Variants in LDB2 observed in about 807,000 individuals in gnomAD.
LDB2 encodes the protein LIM domain binding 2, also known as LIM domain-binding protein 2.
A neutral mutation model predicts 44.3 loss-of-function variants in LDB2; 12 were observed. The observed-to-expected ratio is 0.27, with a 90% CI of 0.17 to 0.44. The LOEUF is 0.44. LDB2 is among the 20% of genes least tolerant of loss of function. LDB2 has a pLI of 1.00. For missense variants in LDB2, 344 were observed against 473.5 expected, an observed-to-expected ratio of 0.73 and a Z score of 2.54; for synonymous variants, 164 against 174.8, an observed-to-expected ratio of 0.94 and a Z score of 0.49.
intron 6 of LDB2, among the ~76,000 whole-genome samples, chr4:16,511,116 T>G (rs899893862): frequency 2.6e-5 from 4 of 152,214 alleles, no homozygotes; most frequent in Non-Finnish European, 4.4e-5. Context: ...ATTTGCTATA[T>G]TCATTTTACA....
chr4:16,579,015 G>C (rs1334116798), intron 5 of LDB2, among the ~76,000 whole-genome samples: 1 of 152,188 alleles, frequency 6.6e-6, no homozygotes, highest in Non-Finnish European at 1.5e-5. Context: ...TGGAGATAGA[G>C]AGTGGGGATG....
chr4:16,863,796 G>A (rs565269447), intron 1 of LDB2, among the ~76,000 whole-genome samples: 1 of 151,784 alleles, frequency 6.6e-6, no homozygotes. Flanking sequence ...GAGTAGCTGC[G>A]ATTACAGGCA....
chr4:16,819,045 GA>G (rs1781451655), intron 1 of LDB2, among the ~76,000 whole-genome samples: 1 of 152,040 alleles, frequency 6.6e-6, no homozygotes, highest in Middle Eastern at 3.2e-3. Context: ...ATCTCATGCA[GA>G]AAGAATGAGT....
At chr4:16,798,310 A>G (rs1777130357) in intron 1 of LDB2, among the ~76,000 whole-genome samples, 1 of 152,156 alleles carries the variant, frequency 6.6e-6, no homozygotes, top group African/African-American at 2.4e-5. Flanking sequence ...AGTGAGTTCA[A>G]GTAACTTGCT....
At chr4:16,554,615 C>A (rs1295846301) in intron 5 of LDB2, among the ~76,000 whole-genome samples, 2 of 152,094 alleles carry the variant, frequency 1.3e-5, no homozygotes, top group African/African-American at 4.8e-5. Flanking sequence ...AGTGATCAAG[C>A]CATGGAAAGA....
intron 1 of LDB2, among the ~76,000 whole-genome samples, chr4:16,836,490 T>A (rs1784902336): frequency 6.6e-6 from 1 of 152,202 alleles, no homozygotes; most frequent in South Asian, 2.1e-4. Context: ...GTCAAAGCTC[T>A]CCAAATTTGG....
At chr4:16,505,979 G>A in intron 7 of LDB2, 9 of 1,551,376 alleles carry the variant, frequency 5.8e-6, no homozygotes, top group Non-Finnish European at 7.8e-6. Context: ...ATCGCTCCTA[G>A]CCCCTGCTCA....
chr4:16,641,158 T>G (rs1735044322), intron 2 of LDB2, among the ~76,000 whole-genome samples: 1 of 152,120 alleles, frequency 6.6e-6, no homozygotes, highest in African/African-American at 2.4e-5. Context: ...CTGTGATGTA[T>G]GGACAATATT....
intron 2 of LDB2, among the ~76,000 whole-genome samples, chr4:16,649,893 G>A (rs1737797858): frequency 6.6e-6 from 1 of 152,132 alleles, no homozygotes; most frequent in Non-Finnish European, 1.5e-5. Flanking sequence ...AGAGCTGGTG[G>A]CTGAAACTGG....
At chr4:16,790,219 C>A (rs975195731) in intron 1 of LDB2, among the ~76,000 whole-genome samples, 11 of 152,176 alleles carry the variant, frequency 7.2e-5, no homozygotes, top group Non-Finnish European at 1.5e-4. Context: ...CTCCAAGAGG[C>A]TGATGAGTTT....
chr4:16,523,802 G>C (rs1340919034), intron 5 of LDB2, among the ~76,000 whole-genome samples: 1 of 152,168 alleles, frequency 6.6e-6, no homozygotes, highest in African/African-American at 2.4e-5. Flanking sequence ...TGAAACTTAT[G>C]AATAGTTTAT....
At chr4:16,822,857 C>T (rs945244119) in intron 1 of LDB2, among the ~76,000 whole-genome samples, 3 of 152,190 alleles carry the variant, frequency 2.0e-5, no homozygotes, top group African/African-American at 7.2e-5. Context: ...TAAGCACATA[C>T]TATGTGCCAG....
At position 16,729,490 on chromosome 4, in the gene LDB2, G is replaced by A. The variant is rs908122; in HGVS notation, c.235+29668C>T. ...CAAAACACACCGGCTCAGCCAGAGAGCAGGAGAGGGAGGAGGGGAATTAAC... is the reference window on the plus strand; with the variant it reads ...CAAAACACACCGGCTCAGCCAGAGAACAGGAGAGGGAGGAGGGGAATTAAC... On this transcript the variant is annotated intron_variant, in intron 2 of 7. Coordinates refer to ENST00000304523, the MANE Select transcript of LDB2 (RefSeq NM_001290.5). Among the ~76,000 whole-genome samples, 210 of 152,306 alleles carry A rather than the reference G, an allele frequency of 1.4e-3. 2 individuals carry two copies. The East Asian group carries it at 0.018, about 13-fold the overall frequency.
intron 5 of LDB2, among the ~76,000 whole-genome samples, chr4:16,516,104 A>T (rs886580425): frequency 6.6e-6 from 1 of 151,894 alleles, no homozygotes; most frequent in Middle Eastern, 3.4e-3. Flanking sequence ...TGACCTCATG[A>T]TCTGCCCACC....
chr4:16,654,201 A>C (rs1739095331), intron 2 of LDB2, among the ~76,000 whole-genome samples: 1 of 152,234 alleles, frequency 6.6e-6, no homozygotes, highest in African/African-American at 2.4e-5. Context: ...CACAGAGGAA[A>C]CAGTCACCCA....
chr4:16,715,168 A>G (rs946796313), intron 2 of LDB2, among the ~76,000 whole-genome samples: 2 of 152,174 alleles, frequency 1.3e-5, no homozygotes, highest in African/African-American at 4.8e-5. Context: ...GGAAAGTGAG[A>G]GGTTGACTAA....
chr4:16,789,346 G>A (rs918036878), intron 1 of LDB2, among the ~76,000 whole-genome samples: 1 of 152,212 alleles, frequency 6.6e-6, no homozygotes, highest in African/African-American at 2.4e-5. Flanking sequence ...CTAGGAGATG[G>A]AGGAAAATGC....
At chr4:16,625,362 G>A (rs1030781188) in intron 2 of LDB2, among the ~76,000 whole-genome samples, 1 of 152,146 alleles carries the variant, frequency 6.6e-6, no homozygotes, top group Non-Finnish European at 1.5e-5. Context: ...ACTCAGCAGA[G>A]CTTCTGCTAT....
intron 1 of LDB2, among the ~76,000 whole-genome samples, chr4:16,850,947 AGTGT>A (rs71181193): frequency 1.5e-3 from 211 of 143,168 alleles, no homozygotes; most frequent in Non-Finnish European, 2.4e-3. Flanking sequence ...TAAAACCATA[AGTGT>A]GTGTGTGTGT....
Sources: gnomAD v4.1 joint callset for allele counts (sites outside exome capture counted in the v4.1 genomes callset) on GRCh38, gnomAD v4.1.1 for gene constraint, MANE v1.5 for transcripts, NCBI Gene and HGNC (gene_info 2026-07-23, HGNC 2026-07-21) for gene names.